Variants in KHDRBS3 observed in about 807,000 individuals in gnomAD.
KHDRBS3 encodes the protein KH RNA binding domain containing, signal transduction associated 3.
In KHDRBS3, 23 loss-of-function variants were observed where a neutral mutation model predicts 45.6. That is an observed-to-expected ratio of 0.50 (90% CI 0.36 to 0.72). KHDRBS3 has a LOEUF of 0.72. Ranked by LOEUF, KHDRBS3 falls within the 30% of genes least tolerant of loss-of-function variation. The pLI, the probability that KHDRBS3 is intolerant of heterozygous loss-of-function variation, is 0.00. For synonymous variants in KHDRBS3, 162 were observed against 156.5 expected, an observed-to-expected ratio of 1.04 and a Z score of -0.26; for missense variants, 352 against 424.8, an observed-to-expected ratio of 0.83 and a Z score of 1.51.
intron 7 of KHDRBS3, among the ~76,000 whole-genome samples, chr8:135,636,841 C>T (rs941183467): frequency 1.3e-5 from 2 of 152,182 alleles, no homozygotes; most frequent in Non-Finnish European, 2.9e-5. Context: ...CATGTAGCCT[C>T]GGAATTCTCA....
chr8:135,555,212 G>T (rs903684824), intron 4 of KHDRBS3, among the ~76,000 whole-genome samples: 12 of 151,990 alleles, frequency 7.9e-5, no homozygotes, highest in African/African-American at 2.9e-4. Flanking sequence ...ATCCTCCTCA[G>T]TTTCTTGCCA....
chr8:135,573,651 T>G (rs980550933), intron 5 of KHDRBS3, among the ~76,000 whole-genome samples: 2 of 152,242 alleles, frequency 1.3e-5, no homozygotes, highest in Non-Finnish European at 2.9e-5. Flanking sequence ...TGCTTTTTCA[T>G]TACATCTTAA....
At chr8:135,530,059 C>CAAAAAAAAAAA (rs11428464) in intron 2 of KHDRBS3, among the ~76,000 whole-genome samples, 4 of 136,658 alleles carry the variant, frequency 2.9e-5, no homozygotes, top group African/African-American at 1.2e-4. Flanking sequence ...ACTCCCATCT[C>CAAAAAAAAAAA]AAAAAAAAAA....
At chr8:135,512,401 A>G (rs978819879) in intron 1 of KHDRBS3, among the ~76,000 whole-genome samples, 2 of 126,582 alleles carry the variant, frequency 1.6e-5, no homozygotes, top group Admixed American at 1.7e-4. Context: ...ATTAAACTTT[A>G]CACAAGAGTT....
At chr8:135,508,069 T>G (rs1824098008) in intron 1 of KHDRBS3, among the ~76,000 whole-genome samples, 1 of 152,208 alleles carries the variant, frequency 6.6e-6, no homozygotes. Flanking sequence ...CTTAAGTTTC[T>G]TTTCCCGCCC....
At chr8:135,636,232 T>G (rs544946108) in intron 7 of KHDRBS3, among the ~76,000 whole-genome samples, 1 of 152,202 alleles carries the variant, frequency 6.6e-6, no homozygotes, top group Admixed American at 6.5e-5. Context: ...TGTACTTCAG[T>G]GTGCCCCAGA....
chr8:135,610,087 G>A (rs186948529), intron 7 of KHDRBS3, among the ~76,000 whole-genome samples: 6 of 151,846 alleles, frequency 4.0e-5, no homozygotes, highest in African/African-American at 1.5e-4. Context: ...GTGATCTTCT[G>A]GTTTTTGATA....
At chr8:135,545,688 A>G (rs1826264958) in intron 3 of KHDRBS3, among the ~76,000 whole-genome samples, 1 of 151,914 alleles carries the variant, frequency 6.6e-6, no homozygotes, top group South Asian at 2.1e-4. Flanking sequence ...ACTCTTTTCC[A>G]CCAGTTTTGT....
intron 2 of KHDRBS3, among the ~76,000 whole-genome samples, chr8:135,536,479 G>T (rs1444973481): frequency 6.6e-6 from 1 of 152,032 alleles, no homozygotes; most frequent in Non-Finnish European, 1.5e-5. Flanking sequence ...ACTCAGGTTC[G>T]CAGGACAGTC....
chr8:135,558,379 A>G (rs1352494530), intron 5 of KHDRBS3, among the ~76,000 whole-genome samples: 1 of 152,156 alleles, frequency 6.6e-6, no homozygotes, highest in Non-Finnish European at 1.5e-5. Flanking sequence ...GAATAATGCA[A>G]ATTTTTCAAT....
At chr8:135,622,701 C>G (rs910523976) in intron 7 of KHDRBS3, among the ~76,000 whole-genome samples, 2 of 152,146 alleles carry the variant, frequency 1.3e-5, no homozygotes, top group Admixed American at 1.3e-4. Context: ...CACAAATGAT[C>G]CAGAGAAATA....
intron 6 of KHDRBS3, among the ~76,000 whole-genome samples, chr8:135,598,290 G>A (rs950933151): frequency 6.6e-6 from 1 of 152,106 alleles, no homozygotes; most frequent in Non-Finnish European, 1.5e-5. Flanking sequence ...ACCTTTATTA[G>A]GTATGAACTA....
intron 2 of KHDRBS3, among the ~76,000 whole-genome samples, chr8:135,530,019 T>G (rs947276001): frequency 2.0e-5 from 3 of 149,696 alleles, no homozygotes; most frequent in African/African-American, 7.4e-5. Context: ...GCCACTGCAC[T>G]CCAGCCTGAG....
chr8:135,542,411 C>T (rs923315841), intron 2 of KHDRBS3: 2 of 410,856 alleles, frequency 4.9e-6, no homozygotes, highest in African/African-American at 4.1e-5. Flanking sequence ...GCTTCATTCA[C>T]AGTTGTGGAA....
chr8:135,535,197 T>G (rs1259548856), intron 2 of KHDRBS3, among the ~76,000 whole-genome samples: 1 of 150,228 alleles, frequency 6.7e-6, no homozygotes, highest in Non-Finnish European at 1.5e-5. Flanking sequence ...TTATACCTGT[T>G]AATATACCTG....
intron 5 of KHDRBS3, among the ~76,000 whole-genome samples, chr8:135,558,938 T>C (rs1263614859): frequency 6.6e-6 from 1 of 152,184 alleles, no homozygotes; most frequent in Non-Finnish European, 1.5e-5. Context: ...TTCCAGTTTC[T>C]GATGGCTACA....
chr8:135,575,770 A>T (rs1388676789), intron 5 of KHDRBS3, among the ~76,000 whole-genome samples: 2 of 152,196 alleles, frequency 1.3e-5, no homozygotes, highest in Non-Finnish European at 2.9e-5. Flanking sequence ...TTAACATCTT[A>T]CATTAGCATG....
intron 2 of KHDRBS3, among the ~76,000 whole-genome samples, chr8:135,526,492 G>A (rs1436022060): frequency 2.6e-5 from 4 of 152,182 alleles, no homozygotes; most frequent in African/African-American, 7.2e-5. Flanking sequence ...GGAGCATACA[G>A]GTTTCAAGCC....
chr8:135,598,819 C>T (rs937271576), intron 6 of KHDRBS3, among the ~76,000 whole-genome samples: 4 of 152,126 alleles, frequency 2.6e-5, no homozygotes, highest in Admixed American at 1.3e-4. Flanking sequence ...AAGCTTTTAA[C>T]GTTGCGTTTT....
Sources: gnomAD v4.1 joint callset for allele counts (sites outside exome capture counted in the v4.1 genomes callset) on GRCh38, gnomAD v4.1.1 for gene constraint, MANE v1.5 for transcripts, NCBI Gene and HGNC (gene_info 2026-07-23, HGNC 2026-07-21) for gene names.